The following ZNF568 variants were observed in gnomAD, a reference collection of about 807,000 sequenced individuals.
ZNF568 encodes the protein p53 inhibitor of SCO2 activation.
ZNF568 carries 11 observed loss-of-function variants against 18.1 expected under a neutral mutation model. The ratio of observed to expected loss-of-function variants is 0.61; its 90% CI spans 0.38 to 1.00. The LOEUF is 1.00. ZNF568 is among the 50% of genes least tolerant of loss of function. The probability of loss-of-function intolerance (pLI) is 0.01; values close to 1 mark genes in which losing one functional copy is unlikely to be tolerated. For missense variants in ZNF568, 639 were observed against 768.2 expected (o/e 0.83, Z 1.99); for synonymous variants, 213 against 246.6 (o/e 0.86, Z 1.28).
chr19:36,920,023 C>T (rs1161285548), intron 2 of ZNF568, among the ~76,000 whole-genome samples: 1 of 152,040 alleles, frequency 6.6e-6, no homozygotes, highest in African/African-American at 2.4e-5. Flanking sequence ...TCAGGTCCTT[C>T]AGGAGGTATT....
rs769002604 is a variant in ZNF568 at position 36,934,544 on chromosome 19, A to T, written c.136-2202A>T. ...ACCATGTTGCTCAGGCTGGTCTTGA[A>T]CTCCTGGGCTCAAGCAATCCGCCTG... On this transcript the variant is annotated intron_variant, in intron 4 of 6. Coordinates refer to ENST00000333987, the MANE Select transcript of ZNF568 (RefSeq NM_198539.4). Among the ~76,000 whole-genome samples the T allele has an allele frequency of 1.3e-4, 19 of 151,352 alleles. No homozygotes were observed. The East Asian group carries it at 3.5e-3, about 28-fold the overall frequency.
intron 4 of ZNF568, among the ~76,000 whole-genome samples, chr19:36,936,261 A>G (rs1234393633): frequency 6.6e-6 from 1 of 152,150 alleles, no homozygotes; most frequent in Non-Finnish European, 1.5e-5. Flanking sequence ...TTATTGTTAT[A>G]TATGTTACAG....
In ZNF568 at chr19:36,916,633, G is replaced by C. The variant is rs1457995912; in HGVS notation, c.-256+42G>C. 2 of 152,994 alleles carry C rather than the reference G, an allele frequency of 1.3e-5. No homozygotes were observed. The highest frequency in any genetic ancestry group is 2.4e-5 in the African/African-American group (1 of 41,444). The allele number at this position is 152,994 out of a possible 1,614,324, so 9.5% of individuals were successfully genotyped here. A position where few individuals can be genotyped will look rare whatever the true frequency, so the allele number is the denominator to read the frequency against. On this transcript the variant is annotated intron_variant, in intron 1 of 6. Transcript: ENST00000333987. The surrounding 1 kb of genome is among the most constrained non-coding windows in gnomAD (Gnocchi z 5.3). ...GATGGGACAAAAAACTGTGATGGGAGTTAGTGTGGGTGTGTGGTTGTGTGT... is the reference window on the plus strand; with the variant it reads ...GATGGGACAAAAAACTGTGATGGGACTTAGTGTGGGTGTGTGGTTGTGTGT...
chr19:36,981,510 G>A (rs186101382), downstream of ZNF568, among the ~76,000 whole-genome samples: 1 of 152,232 alleles, frequency 6.6e-6, no homozygotes, highest in Non-Finnish European at 1.5e-5. Context: ...TATAATTAGA[G>A]TCTTACACAT....
intron 4 of ZNF568, chr19:36,931,655 A>G (rs2073688463): frequency 6.6e-6 from 1 of 152,208 alleles, no homozygotes; most frequent in Admixed American, 6.5e-5. Context: ...GGTGTGAGCT[A>G]CTATTCCCAG....
At chr19:36,947,073 C>T (rs548911316) in intron 6 of ZNF568, among the ~76,000 whole-genome samples, 6 of 150,116 alleles carry the variant, frequency 4.0e-5, no homozygotes, top group South Asian at 2.1e-4. Flanking sequence ...TGGAGTGCAG[C>T]GGCACGATCT....
At position 36,952,139 on chromosome 19, in the gene ZNF568, T is replaced by A; in HGVS notation, c.*1051T>A. 2 of 494,422 alleles carry A rather than the reference T, an allele frequency of 4.0e-6. No homozygotes were observed. The highest frequency in any genetic ancestry group is 5.2e-6 in the Non-Finnish European group (2 of 386,790). The allele number at this position is 494,422 out of a possible 1,614,324, so 30.6% of individuals were successfully genotyped here. A position where few individuals can be genotyped will look rare whatever the true frequency, so the allele number is the denominator to read the frequency against. On this transcript the variant is annotated 3_prime_UTR_variant, in exon 7 of 7. Transcript: ENST00000333987. ...ACAAATAATGCATAAGAAATATATA[T>A]ATAATATATGTATGTATGTATAGCC...
intron 6 of ZNF568, among the ~76,000 whole-genome samples, chr19:36,941,987 T>C (rs1409564796): frequency 6.6e-6 from 1 of 151,234 alleles, no homozygotes; most frequent in Admixed American, 6.6e-5. Context: ...CTGTAAATTT[T>C]TTTTTTTTTT....
chr19:36,920,171 G>A (rs542062312), intron 2 of ZNF568, among the ~76,000 whole-genome samples: 24 of 151,660 alleles, frequency 1.6e-4, no homozygotes, highest in Admixed American at 6.6e-4. Context: ...TAGGCTAATG[G>A]GTGTTTGTGT....
chr19:36,927,825 T>A (rs1390249790), intron 4 of ZNF568, among the ~76,000 whole-genome samples: 1 of 132,768 alleles, frequency 7.5e-6, no homozygotes, highest in Non-Finnish European at 1.6e-5. Flanking sequence ...TATATAAATA[T>A]ATATATATAT....
At chr19:36,933,396 TG>T (rs1415436454) in intron 4 of ZNF568, among the ~76,000 whole-genome samples, 1 of 143,724 alleles carries the variant, frequency 7.0e-6, no homozygotes, top group African/African-American at 2.7e-5. Context: ...GCTAATTTGT[TG>T]GATGTTGGGT....
intron 2 of ZNF568, chr19:36,991,042 A>G (rs1218483733): frequency 2.2e-6 from 2 of 901,222 alleles, no homozygotes; most frequent in African/African-American, 3.4e-5. Context: ...CGACCCCTCC[A>G]TGTTGAAGGA....
At chr19:36,938,558 A>T (rs1301277608) in intron 6 of ZNF568, among the ~76,000 whole-genome samples, 1 of 152,194 alleles carries the variant, frequency 6.6e-6, no homozygotes, top group African/African-American at 2.4e-5. Flanking sequence ...TGAGCTTATA[A>T]TTTAATGGAA....
chr19:36,966,170 C>T (rs1413288822), intron 6 of ZNF568, among the ~76,000 whole-genome samples: 6 of 152,050 alleles, frequency 3.9e-5, no homozygotes, highest in Admixed American at 2.6e-4. Flanking sequence ...CCTGTAATCC[C>T]AACTACTCGG....
rs10672807 is a variant in ZNF568, at chr19:36,971,846, CT to C, written c.359-2560del. 2.4e-3 allele frequency among the ~76,000 whole-genome samples: 350 copies of C among 142,896 alleles called. 1 individual carries two copies. Among genetic ancestry groups the C allele is most frequent in the African/African-American group, 6.8e-3 (263 of 38,596 alleles). The allele number at this position is 142,896 out of a possible 152,430, so 93.7% of individuals were successfully genotyped here. A position where few individuals can be genotyped will look rare whatever the true frequency, so the allele number is the denominator to read the frequency against. On this transcript the variant is annotated intron_variant, in intron 6 of 7. Coordinates refer to the ZNF568 transcript ENST00000427117. Reference sequence around the variant, plus strand: ...GCCACTGCGCCTGACCTATTTATAACTTTTTTTTTTTTTTGAGATGAAGTCT... The same window carrying C: ...GCCACTGCGCCTGACCTATTTATAACTTTTTTTTTTTTTGAGATGAAGTCT...
intron 2 of ZNF568, among the ~76,000 whole-genome samples, chr19:36,987,532 C>A (rs948335682): frequency 6.6e-6 from 1 of 151,968 alleles, no homozygotes; most frequent in African/African-American, 2.4e-5. Flanking sequence ...TTGTAGAAAT[C>A]TTTGTCCAGA....
chr19:36,988,213 C>G (rs1049870015), intron 2 of ZNF568, among the ~76,000 whole-genome samples: 1 of 152,168 alleles, frequency 6.6e-6, no homozygotes, highest in African/African-American at 2.4e-5. Flanking sequence ...CTCCACCTCC[C>G]AAAGTGCTAG....
At chr19:36,974,825 A>AT (rs1179656701) in intron 7 of ZNF568, among the ~76,000 whole-genome samples, 1 of 105,094 alleles carries the variant, frequency 9.5e-6, no homozygotes, top group African/African-American at 4.5e-5. Flanking sequence ...TTTGCTTACC[A>AT]ATTTTTTTTT....
chr19:36,940,789 G>T (rs1270123094), intron 6 of ZNF568, among the ~76,000 whole-genome samples: 1 of 152,132 alleles, frequency 6.6e-6, no homozygotes, highest in African/African-American at 2.4e-5. Flanking sequence ...TAAGAGCTTG[G>T]CATTGAAGCC....
Sources: allele counts gnomAD v4.1 joint callset (sites outside exome capture counted in the v4.1 genomes callset), GRCh38; gene constraint gnomAD v4.1.1; non-coding constraint Gnocchi (gnomAD v3.1); transcripts MANE v1.5; gene names NCBI Gene and HGNC (gene_info 2026-07-23, HGNC 2026-07-21).